The following RCC1L variants were observed in gnomAD, a reference collection of about 807,000 sequenced individuals.
RCC1L encodes RCC1 like, also known as RCC1-like G exchanging factor-like protein.
RCC1L carries 46 observed loss-of-function variants against 58.6 expected under a neutral mutation model. The observed-to-expected ratio is 0.79, with a 90% CI of 0.62 to 1.00. The LOEUF is 1.00. RCC1L is among the 50% of genes least tolerant of loss of function. The pLI is 0.00. For synonymous variants in RCC1L, 281 were observed against 262.9 expected (o/e 1.07, Z -0.67); for missense variants, 636 against 623.6 (o/e 1.02, Z -0.21).
chr7:75,064,758 C>T (rs1162079176), intron 3 of RCC1L, 110 bp from the exon 4 acceptor site: 2 of 1,173,416 alleles, frequency 1.7e-6, no homozygotes, highest in Non-Finnish European at 2.6e-6. Flanking sequence ...TCACCCCCAC[C>T]CCCCAACTGC....
At chr7:75,032,943 G>A (rs2131967622) in intron 10 of RCC1L, among the ~76,000 whole-genome samples, 1 of 151,884 alleles carries the variant, frequency 6.6e-6, no homozygotes, top group Admixed American at 6.6e-5. Flanking sequence ...GTGGTGGCGG[G>A]TGCCTGTAAT....
chr7:75,027,675 T>C, exon 11 of RCC1L: 1 of 324,654 alleles, frequency 3.1e-6, no homozygotes, highest in Non-Finnish European at 5.8e-6. Flanking sequence ...GGGTGGTCCC[T>C]GTTCAAGCCC....
At chr7:75,051,559 T>A (rs1372682023) in intron 10 of RCC1L, among the ~76,000 whole-genome samples, 1 of 151,876 alleles carries the variant, frequency 6.6e-6, no homozygotes, top group African/African-American at 2.4e-5. Flanking sequence ...ATTACAGGCG[T>A]GTGCCACCAT....
chr7:75,047,106 C>T (rs1378215960), intron 10 of RCC1L, among the ~76,000 whole-genome samples: 11 of 152,020 alleles, frequency 7.2e-5, no homozygotes, highest in African/African-American at 1.9e-4. Context: ...TACAGGCATG[C>T]GCCACCACAC....
At chr7:75,041,863 CA>C (rs1201913828), downstream of RCC1L, among the ~76,000 whole-genome samples, 12,719 of 64,514 alleles carry the variant, frequency 0.2, 1,701 homozygotes, top group African/African-American at 0.46. Context: ...GACTCTGTCT[CA>C]AAAAAAAAAA....
intron 4 of RCC1L, 112 bp downstream of exon 4, chr7:75,064,470 C>T (rs1207598912): frequency 2.0e-5 from 23 of 1,159,554 alleles, no homozygotes; most frequent in Non-Finnish European, 3.0e-5. Flanking sequence ...GTTCTCACGG[C>T]CCCCTCTCAG....
intron 4 of RCC1L, among the ~76,000 whole-genome samples, chr7:75,063,869 T>A (rs1471877020): frequency 1.3e-5 from 2 of 150,000 alleles, no homozygotes; most frequent in Non-Finnish European, 3.0e-5. Flanking sequence ...GCAGTGAGCC[T>A]AGATCTCACC....
downstream of RCC1L, among the ~76,000 whole-genome samples, chr7:75,039,771 A>G (rs1031777704): frequency 1.3e-3 from 195 of 152,282 alleles, 1 homozygote; most frequent in Non-Finnish European, 4.1e-4. Context: ...TGGGGTTGGT[A>G]CAAGGCTCAC....
At position 75,033,093 on chromosome 7, in the gene RCC1L, A is replaced by AG. The variant is rs1217361727; in HGVS notation, c.1318-5015_1318-5014insC. 6.6e-5 allele frequency among the ~76,000 whole-genome samples: 10 copies of AG among 150,934 alleles called. No homozygotes were observed. The East Asian group carries it at 1.8e-3, about 26-fold the overall frequency. On this transcript the variant is annotated intron_variant, in intron 10 of 10. Transcript: ENST00000614461. The stretch of plus-strand genomic sequence containing the variant: ...TCTCAAAAAAAAAAAAAAAAAAAAA[A>AG]AGATAATTCCACTGGAGCCGGAACA...
chr7:75,056,709 C>T (rs1354688523), intron 8 of RCC1L: 4 of 1,535,482 alleles, frequency 2.6e-6, no homozygotes, highest in East Asian at 4.9e-5. Flanking sequence ...GATGACTCAG[C>T]TCTGTGGCCA....
At chr7:75,048,819 G>C (rs1262826216) in intron 10 of RCC1L, among the ~76,000 whole-genome samples, 1 of 152,236 alleles carries the variant, frequency 6.6e-6, no homozygotes, top group African/African-American at 2.4e-5. Context: ...ACCAGCTTCA[G>C]GCTCGCCCAG....
At chr7:75,032,959 C>G (rs1356152134) in intron 10 of RCC1L, among the ~76,000 whole-genome samples, 1 of 150,750 alleles carries the variant, frequency 6.6e-6, no homozygotes, top group African/African-American at 2.4e-5. Context: ...GTAATCCCAG[C>G]TACTTGGGAG....
rs1212091248 is a variant in RCC1L at position 75,052,942 on chromosome 7, T to G, written c.1232-146A>C. The G allele has an allele frequency of 4.9e-6, 4 of 808,214 alleles. No individual in the cohort carries two copies. The East Asian group carries it at 1.1e-4, about 22-fold the overall frequency. The allele number at this position is 808,214 out of a possible 1,614,324, so 50.1% of individuals were successfully genotyped here. Reference sequence around the variant, plus strand: ...TTTTACCAGGCGTTCATGCTTTCTTTGAAGGCAAAAGTAAGGGTCTGAGAT... The same window carrying G: ...TTTTACCAGGCGTTCATGCTTTCTTGGAAGGCAAAAGTAAGGGTCTGAGAT... On this transcript the variant is annotated intron_variant, in intron 9 of 10. Transcript: ENST00000610322.
At chr7:75,039,738 A>T (rs1805509915), downstream of RCC1L, among the ~76,000 whole-genome samples, 1 of 152,130 alleles carries the variant, frequency 6.6e-6, no homozygotes, top group Non-Finnish European at 1.5e-5. Context: ...GTTGGTGTGT[A>T]TGGAGAATGG....
chr7:75,065,705 T>G (rs115875804), intron 3 of RCC1L, among the ~76,000 whole-genome samples: 225 of 152,284 alleles, frequency 1.5e-3, no homozygotes, highest in African/African-American at 5.2e-3. Flanking sequence ...CAAATAGGCT[T>G]CTTTCAATTC....
chr7:75,056,917 C>A (rs1806099022), intron 8 of RCC1L, among the ~76,000 whole-genome samples: 1 of 152,224 alleles, frequency 6.6e-6, no homozygotes, highest in East Asian at 1.9e-4. Context: ...CTCAAGGGAC[C>A]TTTCTGCCTC....
chr7:75,033,651 C>T (rs1563069156), intron 10 of RCC1L, among the ~76,000 whole-genome samples: 1 of 151,170 alleles, frequency 6.6e-6, no homozygotes, highest in Admixed American at 6.6e-5. Context: ...GCCGAGACCA[C>T]GCCATTGCAC....
At chr7:75,043,801 C>T (rs924761923) in intron 10 of RCC1L, among the ~76,000 whole-genome samples, 2 of 152,104 alleles carry the variant, frequency 1.3e-5, no homozygotes, top group Non-Finnish European at 2.9e-5. Context: ...GGTGACAGAG[C>T]GAGACTCTGT....
At chr7:75,044,089 T>C (rs1805645825) in intron 10 of RCC1L, among the ~76,000 whole-genome samples, 1 of 152,166 alleles carries the variant, frequency 6.6e-6, no homozygotes. Context: ...CACTGAGACA[T>C]GGAGGCTCTA....
Sources: allele counts gnomAD v4.1 joint callset (sites outside exome capture counted in the v4.1 genomes callset), GRCh38; gene constraint gnomAD v4.1.1; transcripts MANE v1.5; gene names NCBI Gene and HGNC (gene_info 2026-07-23, HGNC 2026-07-21).